The following DNAH5 variants were observed in gnomAD, a reference collection of about 807,000 sequenced individuals.
The protein encoded by DNAH5 is dynein axonemal heavy chain 5.
In DNAH5, 372 loss-of-function variants were observed where a neutral mutation model predicts 518.2. That is an observed-to-expected ratio of 0.72 (90% CI 0.66 to 0.78). The LOEUF is 0.78. Ranked by LOEUF, DNAH5 falls within the 30% of genes least tolerant of loss-of-function variation. DNAH5 has a pLI of 0.00. For synonymous variants in DNAH5, 2,039 were observed against 2,025.9 expected (o/e 1.01, Z -0.17); for missense variants, 5,523 against 5,687.0 (o/e 0.97, Z 0.93).
At position 13,859,443 on chromosome 5, in the gene DNAH5, T is replaced by C; in HGVS notation, c.4950+9A>G. On this transcript the variant is annotated intron_variant, in intron 30 of 78. Transcript: ENST00000265104. ...AAATCTGATGAAATCATAAAGAAGA[T>C]TACAAAACCTTGGGCAGCTGCTTGG... 6.2e-7 allele frequency: 1 copy of C among 1,613,960 alleles called. No homozygotes were observed. Among genetic ancestry groups the C allele is most frequent in the Non-Finnish European group, 8.5e-7 (1 of 1,179,868 alleles).
intron 25 of DNAH5, among the ~76,000 whole-genome samples, chr5:13,866,626 C>A (rs375270070): frequency 2.6e-5 from 4 of 152,292 alleles, no homozygotes; most frequent in East Asian, 3.9e-4. Context: ...TCATATAACT[C>A]ATAGATTTTT....
intron 55 of DNAH5, among the ~76,000 whole-genome samples, chr5:13,772,119 T>G (rs1753425075): frequency 6.6e-6 from 1 of 152,204 alleles, no homozygotes; most frequent in Admixed American, 6.5e-5. Flanking sequence ...GTCTAGGTAC[T>G]GGAACCATAG....
At chr5:13,875,334 G>A (rs1030069932) in intron 22 of DNAH5, among the ~76,000 whole-genome samples, 4 of 151,990 alleles carry the variant, frequency 2.6e-5, no homozygotes, top group Non-Finnish European at 5.9e-5. Context: ...CAGTGTGGTG[G>A]TGCATGCCTC....
chr5:13,892,264 T>G (rs1025926173), intron 16 of DNAH5, among the ~76,000 whole-genome samples: 1 of 152,216 alleles, frequency 6.6e-6, no homozygotes, highest in Non-Finnish European at 1.5e-5. Context: ...TTCTTCATCT[T>G]TAAGGACATC....
At chr5:13,929,267 A>C (rs2152005802) in intron 2 of DNAH5, among the ~76,000 whole-genome samples, 1 of 152,350 alleles carries the variant, frequency 6.6e-6, no homozygotes, top group East Asian at 1.9e-4. Flanking sequence ...CACTTGTGTG[A>C]GGTACCTATG....
At position 13,900,234 on chromosome 5, in the gene DNAH5, C is replaced by A; in HGVS notation, c.2231G>T (p.Arg744Ile). Residue 744 changes from arginine (R) to isoleucine (I), a missense_variant, in exon 15 of 79, where the codon AGA becomes ATA. Physicochemically the swap from Arg to Ile is moderately conservative, Grantham distance 97. Transcript: ENST00000265104. ...LATSLFQKRDRYKRNFSNMKM... is the reference protein window; with the variant it reads ...LATSLFQKRDIYKRNFSNMKM... ...CATGTTACTGAAGTTCCTTTTGTAT[C>A]TATCTCGTTTCTGGAAGAGGGAAGT... 6.2e-7 allele frequency: 1 copy of A among 1,614,066 alleles called. No homozygotes were observed. The highest frequency in any genetic ancestry group is 1.1e-5 in the South Asian group (1 of 91,076).
intron 52 of DNAH5, among the ~76,000 whole-genome samples, chr5:13,783,475 A>G (rs1464636143): frequency 6.6e-6 from 1 of 152,136 alleles, no homozygotes; most frequent in African/African-American, 2.4e-5. Context: ...AAGGTAGTAT[A>G]TGGGTGGGGA....
intron 17 of DNAH5, 102 bp downstream of exon 17, chr5:13,890,874 C>T: frequency 3.0e-6 from 4 of 1,317,338 alleles, no homozygotes; most frequent in Non-Finnish European, 4.3e-6. Context: ...CAGAGCACTG[C>T]AAGTAGAGAA....
intron 41 of DNAH5, among the ~76,000 whole-genome samples, chr5:13,818,505 A>G (rs1761773649): frequency 6.6e-6 from 1 of 152,220 alleles, no homozygotes; most frequent in African/African-American, 2.4e-5. Context: ...TGTTCTCTCC[A>G]ATCCCTCCTA....
intron 15 of DNAH5, chr5:13,898,029 T>C (rs1485112664): frequency 6.6e-6 from 1 of 152,260 alleles, no homozygotes; most frequent in African/African-American, 2.4e-5. Flanking sequence ...TAGATGTGCC[T>C]GTTCACAGTC....
At chr5:13,751,841 A>G (rs780546155) in intron 64 of DNAH5, among the ~76,000 whole-genome samples, 19 of 152,108 alleles carry the variant, frequency 1.2e-4, no homozygotes, top group Admixed American at 2.6e-4. Flanking sequence ...AGGTTTTATC[A>G]GCTTGCCCAG....
intron 59 of DNAH5, among the ~76,000 whole-genome samples, chr5:13,765,200 C>CT (rs554879132): frequency 4.6e-5 from 7 of 151,266 alleles, no homozygotes; most frequent in Admixed American, 1.3e-4. Flanking sequence ...CAAATTAGAG[C>CT]TTTTTTTTTC....
chr5:13,746,271 G>A (rs975477717), intron 65 of DNAH5, among the ~76,000 whole-genome samples: 8 of 152,216 alleles, frequency 5.3e-5, no homozygotes, highest in Admixed American at 1.3e-4. Flanking sequence ...AGCTTCCTGG[G>A]AGGAGACCTG....
intron 65 of DNAH5, among the ~76,000 whole-genome samples, chr5:13,750,602 A>C (rs1750076327): frequency 6.6e-6 from 1 of 152,208 alleles, no homozygotes. Flanking sequence ...GGGCTCTCTT[A>C]GATCACAAAT....
Position 13,944,430 on chromosome 5 carries a change from C to A in DNAH5, c.9G>T (p.Arg3Ser). 1 of 1,613,404 alleles carries A rather than the reference C, an allele frequency of 6.2e-7. No homozygotes were observed. The highest frequency in any genetic ancestry group is 8.5e-7 in the Non-Finnish European group (1 of 1,179,922). MFRIGRRQLWKHS... is the reference protein window; with the variant it reads MFSIGRRQLWKHS... ...GCTTCCAGAGCTGTCTCCTCCCAAT[C>A]CTAAACATTGTAGCCGTGCATGGAC... Residue 3 changes from arginine to serine, a missense_variant, in exon 1 of 79, where the codon AGG becomes AGT. Around this residue, in one of 3 missense-constraint regions of DNAH5, gnomAD observed 5,121 missense variants for 5,223.3 expected, o/e 0.98. Transcript: ENST00000265104.
intron 16 of DNAH5, among the ~76,000 whole-genome samples, chr5:13,892,244 AACGG>A (rs1156750796): frequency 9.8e-5 from 15 of 152,334 alleles, no homozygotes; most frequent in South Asian, 2.1e-4. Context: ...TACGCTTTCT[AACGG>A]ACTGCTTCTT....
intron 65 of DNAH5, among the ~76,000 whole-genome samples, chr5:13,741,390 T>C (rs1261816467): frequency 6.6e-6 from 1 of 152,192 alleles, no homozygotes; most frequent in Non-Finnish European, 1.5e-5. Context: ...TTCTTAATTC[T>C]TTAAGATGTA....
intron 75 of DNAH5, among the ~76,000 whole-genome samples, chr5:13,710,606 G>C (rs985624593): frequency 1.3e-5 from 2 of 152,178 alleles, no homozygotes; most frequent in Non-Finnish European, 2.9e-5. Flanking sequence ...AAATAAAATA[G>C]ATAGACCATT....
Position 13,717,538 on chromosome 5 carries a change from G to A in DNAH5, c.12500-18C>T. On this transcript the variant is annotated intron_variant, in intron 72 of 78. Transcript: ENST00000265104. ...GCTGACACCTGTTGTGGTCAGTTGGGTGAAAAATGTATCATCTCTCAAATG... is the reference window on the plus strand; with the variant it reads ...GCTGACACCTGTTGTGGTCAGTTGGATGAAAAATGTATCATCTCTCAAATG... The A allele has an allele frequency of 1.9e-6, 3 of 1,600,582 alleles. No homozygotes were observed. The highest frequency in any genetic ancestry group is 1.3e-5 in the African/African-American group (1 of 74,806).
Sources: gnomAD v4.1 joint callset for allele counts (sites outside exome capture counted in the v4.1 genomes callset) on GRCh38, gnomAD v4.1.1 for gene constraint, gnomAD v4.1.1 regional missense constraint, MANE v1.5 for transcripts, NCBI Gene and HGNC (gene_info 2026-07-23, HGNC 2026-07-21) for gene names.